The following EIF4G3 variants were observed in gnomAD, a reference collection of about 807,000 sequenced individuals.
EIF4G3 encodes the protein eIF-4-gamma 3.
In EIF4G3, 34 loss-of-function variants were observed where a neutral mutation model predicts 186.4. That is an observed-to-expected ratio of 0.18 (90% CI 0.14 to 0.24). EIF4G3 has a LOEUF of 0.24. Ranked by LOEUF, EIF4G3 falls within the 10% of genes least tolerant of loss-of-function variation. EIF4G3 has a pLI of 1.00. For missense variants in EIF4G3, 1,536 were observed against 1,948.5 expected, an observed-to-expected ratio of 0.79 and a Z score of 3.99; for synonymous variants, 673 against 679.5, an observed-to-expected ratio of 0.99 and a Z score of 0.15.
At chr1:21,095,800 A>G (rs1039928761) in intron 2 of EIF4G3, among the ~76,000 whole-genome samples, 1 of 152,204 alleles carries the variant, frequency 6.6e-6, no homozygotes, top group Admixed American at 6.5e-5. Context: ...TACAAACAAA[A>G]AAAAAACAAA....
chr1:20,913,796 T>C (rs2093540615), intron 14 of EIF4G3, among the ~76,000 whole-genome samples: 1 of 146,046 alleles, frequency 6.8e-6, no homozygotes, highest in South Asian at 2.2e-4. Context: ...GGTCAATTAT[T>C]AGAATTTTTT....
chr1:20,977,813 C>T (rs1376963475), intron 10 of EIF4G3, among the ~76,000 whole-genome samples: 5 of 152,102 alleles, frequency 3.3e-5, no homozygotes, highest in Admixed American at 3.3e-4. Flanking sequence ...TATGTCTCTA[C>T]TAGTAAATTC....
intron 13 of EIF4G3, 86 bp from the exon 14 acceptor site, chr1:20,942,416 C>A: frequency 2.2e-6 from 3 of 1,339,172 alleles, no homozygotes; most frequent in Non-Finnish European, 3.0e-6. Context: ...ATGTCTTACC[C>A]TAAATTACAG....
chr1:20,981,900 AGAGT>A (rs986619032), intron 8 of EIF4G3, among the ~76,000 whole-genome samples: 3 of 152,162 alleles, frequency 2.0e-5, no homozygotes, highest in Non-Finnish European at 4.4e-5. Flanking sequence ...ACTCTGATAA[AGAGT>A]AAGTGGTTCA....
rs2058999042 is a variant in EIF4G3, at chr1:20,810,369, T to C, written c.4744+369A>G. 6.6e-6 allele frequency among the ~76,000 whole-genome samples: 1 copy of C among 152,244 alleles called. No homozygotes were observed. On this transcript the variant is annotated intron_variant, in intron 36 of 36. Coordinates refer to ENST00000602326, the MANE Select transcript of EIF4G3 (RefSeq NM_001391906.1). This position sits in a 1 kb window ranked among gnomAD's most constrained non-coding sequence, Gnocchi z 4.1. ...CAGGGTTTCACTGTGTTAGCCAGGA[T>C]GGTCTCGATCTCCTGACCTCATGAT...
At chr1:20,994,325 C>G (rs2081797385) in intron 7 of EIF4G3, among the ~76,000 whole-genome samples, 1 of 152,190 alleles carries the variant, frequency 6.6e-6, no homozygotes, top group South Asian at 2.1e-4. Flanking sequence ...TAGCCCTGCT[C>G]AGCTATGCCA....
chr1:20,950,147 C>T (rs1460429562), intron 12 of EIF4G3, 36 bp from the exon 13 acceptor site: 16 of 1,476,204 alleles, frequency 1.1e-5, no homozygotes, highest in African/African-American at 2.9e-5. Flanking sequence ...TGATAATGAG[C>T]GTGCGAACAT....
chr1:20,808,348 A>AG lies in EIF4G3; in HGVS notation c.4745-849dup, dbSNP rs1446745729. ...TTACAAAATTTGGGGGAAGGGAGAA[A>AG]GGCAGGATATGCTTTTTATTCCTTG... On this transcript the variant is annotated intron_variant, in intron 36 of 36. Coordinates refer to ENST00000602326, the MANE Select transcript of EIF4G3 (RefSeq NM_001391906.1). Among the ~76,000 whole-genome samples, 5 of 152,076 alleles carry AG rather than the reference A, an allele frequency of 3.3e-5. No individual in the cohort carries two copies. The East Asian group carries it at 9.6e-4, about 29-fold the overall frequency.
At chr1:21,012,218 G>A (rs2087340197) in intron 4 of EIF4G3, among the ~76,000 whole-genome samples, 1 of 152,014 alleles carries the variant, frequency 6.6e-6, no homozygotes, top group Admixed American at 6.6e-5. Context: ...CGGGACAGTC[G>A]TTTACTATTC....
chr1:20,836,164 G>A (rs1054236914), intron 30 of EIF4G3, among the ~76,000 whole-genome samples: 2 of 152,076 alleles, frequency 1.3e-5, no homozygotes, highest in Admixed American at 1.3e-4. Flanking sequence ...GTATTTTTTG[G>A]TAGAGATAGG....
rs16824883 is a variant in EIF4G3 at position 20,954,624 on chromosome 1, G to C, written c.715-4513C>G. Reference sequence around the variant, plus strand: ...CTACCAAAACATGCTTCTTTCTTACGTAGGAATTTCTCCCATTCTCTCATT... The same window carrying C: ...CTACCAAAACATGCTTCTTTCTTACCTAGGAATTTCTCCCATTCTCTCATT... On this transcript the variant is annotated intron_variant, in intron 12 of 36. Transcript: ENST00000602326. Among the ~76,000 whole-genome samples, 778 of 149,702 alleles carry C rather than the reference G, an allele frequency of 5.2e-3. 7 individuals carry two copies. The highest frequency in any genetic ancestry group is 0.018 in the African/African-American group (747 of 40,740).
intron 20 of EIF4G3, among the ~76,000 whole-genome samples, chr1:20,873,734 A>C (rs1286362958): frequency 4.6e-5 from 7 of 151,430 alleles, no homozygotes; most frequent in Admixed American, 4.6e-4. Context: ...AAAAAAAAAA[A>C]AAACCACGAG....
intron 3 of EIF4G3, among the ~76,000 whole-genome samples, chr1:21,053,254 C>CGT: frequency 6.6e-6 from 1 of 150,912 alleles, no homozygotes. Flanking sequence ...GTGAGGAGAC[C>CGT]CTCTGCCTGG....
chr1:20,825,501 A>C (rs545171794), intron 32 of EIF4G3, among the ~76,000 whole-genome samples: 2 of 152,324 alleles, frequency 1.3e-5, no homozygotes, highest in African/African-American at 4.8e-5. Context: ...AAGACTTGTG[A>C]CTTTCAAACT....
At chr1:20,886,505 G>A in intron 18 of EIF4G3, 134 bp from the exon 19 acceptor site, 1 of 731,854 alleles carries the variant, frequency 1.4e-6, no homozygotes. Context: ...CAAACTGGAG[G>A]TAATCTTTTT....
rs760373868 is a variant in EIF4G3 at position 21,176,246 on chromosome 1, CGCCGCCGCCGCCGCCGCCGCTGCT to C, written c.-367_-344del. ...GGGGGACCGCTGCCGCCGCCGCCGC[CGCCGCCGCCGCCGCCGCCGCTGCT>C]GCCGCCGCCGGGTGAGGAGGCGGTA... On this transcript the variant is annotated 5_prime_UTR_variant, in exon 2 of 37. Transcript: ENST00000602326. The C allele has an allele frequency of 8.3e-5, 31 of 374,178 alleles. 2 individuals are homozygous for C. In the South Asian group the frequency reaches 1.0e-3, roughly 13 times the overall value. 23.2% of individuals were successfully genotyped at this position (374,178 alleles called of 1,614,324 possible).
intron 3 of EIF4G3, among the ~76,000 whole-genome samples, chr1:21,059,166 A>G (rs1375371985): frequency 3.3e-5 from 5 of 152,158 alleles, no homozygotes; most frequent in Admixed American, 1.3e-4. Context: ...TTATTTTCTA[A>G]ATCCCAAGAT....
chr1:21,169,867 C>T (rs1392045062), intron 2 of EIF4G3: 2 of 152,198 alleles, frequency 1.3e-5, no homozygotes, highest in African/African-American at 4.8e-5. Context: ...CAAAGTCCAA[C>T]ACACTTTTTA....
chr1:20,853,769 C>T, intron 26 of EIF4G3, 92 bp from the exon 27 acceptor site: 1 of 891,684 alleles, frequency 1.1e-6, no homozygotes, highest in South Asian at 1.5e-5. Context: ...GGCCTGAGAC[C>T]AGGCATTCCT....
Sources: allele counts gnomAD v4.1 joint callset (sites outside exome capture counted in the v4.1 genomes callset), GRCh38; gene constraint gnomAD v4.1.1; non-coding constraint Gnocchi (gnomAD v3.1); transcripts MANE v1.5; gene names NCBI Gene and HGNC (gene_info 2026-07-23, HGNC 2026-07-21).